The following SGIP1 variants were observed in gnomAD, a reference collection of about 807,000 sequenced individuals.
SGIP1 encodes SH3-containing GRB2-like protein 3-interacting protein 1.
Under a neutral mutation model 107.5 loss-of-function variants are expected in SGIP1, and 38 were observed. The ratio of observed to expected loss-of-function variants is 0.35; its 90% CI spans 0.27 to 0.46. SGIP1 has a LOEUF of 0.46. SGIP1 is among the 20% of genes least tolerant of loss of function. The pLI, the probability that SGIP1 is intolerant of heterozygous loss-of-function variation, is 1.00. For synonymous variants in SGIP1, 365 were observed against 366.1 expected (o/e 1.00, Z 0.03); for missense variants, 929 against 1,019.5 (o/e 0.91, Z 1.21).
At chr1:66,643,492 G>C in intron 6 of SGIP1, 52 bp from the exon 7 acceptor site, 1 of 1,504,504 alleles carries the variant, frequency 6.6e-7, no homozygotes, top group Non-Finnish European at 9.0e-7. Context: ...TTGTCTTGGA[G>C]TCGTTGCCTC....
At position 66,749,607 on chromosome 1, in the gene SGIP1, G is replaced by T. The variant is rs576706922; in HGVS notation, c.*6512G>T. 1.3e-5 allele frequency among the ~76,000 whole-genome samples: 2 copies of T among 152,140 alleles called. No individual in the cohort carries two copies. The highest frequency in any genetic ancestry group is 3.9e-4 in the East Asian group (2 of 5,186). ...ATCACTTTACATTTCTCTAAAGATA[G>T]TTCAGTTTTTAATCCATCCAGAGTT... On this transcript the variant is annotated 3_prime_UTR_variant, in exon 25 of 25. Coordinates refer to ENST00000371037, the MANE Select transcript of SGIP1 (RefSeq NM_032291.4).
At chr1:66,673,916 C>T (rs567303466) in intron 12 of SGIP1, among the ~76,000 whole-genome samples, 3 of 152,166 alleles carry the variant, frequency 2.0e-5, no homozygotes, top group East Asian at 3.9e-4. Context: ...TCCCTCAATC[C>T]CAGCACTTTG....
intron 10 of SGIP1, 85 bp from the exon 11 acceptor site, chr1:66,671,859 T>C: frequency 7.6e-7 from 1 of 1,314,936 alleles, no homozygotes; most frequent in South Asian, 1.3e-5. Flanking sequence ...GACTTAAATC[T>C]CTAAGTGTTT....
At chr1:66,596,046 A>T (rs2064602399) in intron 1 of SGIP1, among the ~76,000 whole-genome samples, 1 of 152,240 alleles carries the variant, frequency 6.6e-6, no homozygotes. Flanking sequence ...CACATTTAAA[A>T]TACAAACCTA....
intron 9 of SGIP1, among the ~76,000 whole-genome samples, chr1:66,668,480 G>A (rs982048986): frequency 2.0e-5 from 3 of 152,078 alleles, no homozygotes; most frequent in Admixed American, 6.5e-5. Flanking sequence ...GAGCCACTGC[G>A]CCCAGCTGAA....
At chr1:66,704,426 C>A (rs1242629739) in intron 18 of SGIP1, 2 of 152,026 alleles carry the variant, frequency 1.3e-5, no homozygotes, top group Non-Finnish European at 2.9e-5. Flanking sequence ...CCAGTGTACT[C>A]CTGGGGGTTC....
chr1:66,693,216 C>G (rs1432136901), intron 17 of SGIP1, among the ~76,000 whole-genome samples: 1 of 150,572 alleles, frequency 6.6e-6, no homozygotes, highest in African/African-American at 2.4e-5. Context: ...CAGGACAAGC[C>G]TGGGCAACAT....
chr1:66,555,861 G>C (rs952556893), intron 1 of SGIP1, among the ~76,000 whole-genome samples: 1 of 152,124 alleles, frequency 6.6e-6, no homozygotes, highest in Non-Finnish European at 1.5e-5. Flanking sequence ...TATGAGGTAA[G>C]TGCTAAATTA....
chr1:66,562,042 A>G (rs2059021506), intron 1 of SGIP1, among the ~76,000 whole-genome samples: 1 of 151,916 alleles, frequency 6.6e-6, no homozygotes, highest in African/African-American at 2.4e-5. Flanking sequence ...TGACTTCCCA[A>G]ATCGAAGATT....
At chr1:66,691,382 C>T (rs1054596421) in intron 17 of SGIP1, among the ~76,000 whole-genome samples, 3 of 152,144 alleles carry the variant, frequency 2.0e-5, no homozygotes, top group Non-Finnish European at 4.4e-5. Context: ...CCTTTTAAGG[C>T]CCCCAAAGGG....
intron 1 of SGIP1, among the ~76,000 whole-genome samples, chr1:66,589,587 T>C (rs2063292288): frequency 6.6e-6 from 1 of 152,096 alleles, no homozygotes; most frequent in Admixed American, 6.6e-5. Flanking sequence ...AAACAATGCC[T>C]GTGGTAAAAA....
intron 1 of SGIP1, among the ~76,000 whole-genome samples, chr1:66,569,749 T>C (rs2060130408): frequency 1.3e-5 from 2 of 151,846 alleles, no homozygotes; most frequent in South Asian, 4.1e-4. Context: ...ATAAATGAGT[T>C]AGTAAATATC....
chr1:66,639,456 G>A (rs749221588), intron 4 of SGIP1, among the ~76,000 whole-genome samples: 1 of 152,184 alleles, frequency 6.6e-6, no homozygotes, highest in East Asian at 1.9e-4. Flanking sequence ...TGTAGATTTA[G>A]AGGATTCCAT....
intron 1 of SGIP1, among the ~76,000 whole-genome samples, chr1:66,624,959 T>A (rs1434567304): frequency 6.6e-6 from 1 of 152,200 alleles, no homozygotes; most frequent in African/African-American, 2.4e-5. Flanking sequence ...TAGCCAGTGC[T>A]GCTTGAATGG....
intron 1 of SGIP1, among the ~76,000 whole-genome samples, chr1:66,569,056 A>T (rs2060037665): frequency 6.6e-6 from 1 of 151,982 alleles, no homozygotes; most frequent in Admixed American, 6.6e-5. Flanking sequence ...AGAATGAATT[A>T]TGAGAATTGT....
chr1:66,549,869 T>C (rs1012549263), intron 1 of SGIP1, among the ~76,000 whole-genome samples: 3 of 152,130 alleles, frequency 2.0e-5, no homozygotes, highest in Non-Finnish European at 4.4e-5. Flanking sequence ...CCAGAATCCT[T>C]AGAAGACCTC....
intron 7 of SGIP1, among the ~76,000 whole-genome samples, chr1:66,649,564 T>C (rs1486356391): frequency 6.6e-6 from 1 of 152,178 alleles, no homozygotes; most frequent in African/African-American, 2.4e-5. Flanking sequence ...AACAGTTCTG[T>C]GGTTTGCTTG....
chr1:66,577,653 T>C (rs2061250715), intron 1 of SGIP1, among the ~76,000 whole-genome samples: 1 of 152,176 alleles, frequency 6.6e-6, no homozygotes, highest in Admixed American at 6.5e-5. Flanking sequence ...GGGATTTGTT[T>C]TTCTATGTAA....
intron 5 of SGIP1, 126 bp downstream of exon 5, chr1:66,639,959 T>A (rs1172213151): frequency 2.8e-6 from 2 of 712,566 alleles, no homozygotes; most frequent in East Asian, 5.5e-5. Flanking sequence ...GTGTCTGGCA[T>A]ATTTAGGATG....
Sources: allele counts gnomAD v4.1 joint callset (sites outside exome capture counted in the v4.1 genomes callset), GRCh38; gene constraint gnomAD v4.1.1; transcripts MANE v1.5; gene names NCBI Gene and HGNC (gene_info 2026-07-23, HGNC 2026-07-21).